The following UBE2G1 variants were observed in gnomAD, a reference collection of about 807,000 sequenced individuals.
UBE2G1 encodes ubiquitin conjugating enzyme E2 G1, also known as ubiquitin-conjugating enzyme E2 G1.
A neutral mutation model predicts 22.7 loss-of-function variants in UBE2G1; 5 were observed. That is an observed-to-expected ratio of 0.22 (90% CI 0.12 to 0.46). The LOEUF is 0.46. UBE2G1 is among the 20% of genes least tolerant of loss of function. The pLI, the probability that UBE2G1 is intolerant of heterozygous loss-of-function variation, is 0.99. For missense variants in UBE2G1, 88 were observed against 203.9 expected (o/e 0.43, Z 3.46); for synonymous variants, 74 against 67.5 (o/e 1.10, Z -0.47).
rs191824664 is a variant in UBE2G1, at chr17:4,288,577, G to A, written c.426+653C>T. Reference sequence around the variant, plus strand: ...GTTAACTACTGTAGGACTTTGCTCTGTGGTTAAAATGAGGCTTACAAAAAA... The same window carrying A: ...GTTAACTACTGTAGGACTTTGCTCTATGGTTAAAATGAGGCTTACAAAAAA... On this transcript the variant is annotated intron_variant, in intron 4 of 5. Transcript: ENST00000396981. Among the ~76,000 whole-genome samples the A allele has an allele frequency of 5.3e-5, 8 of 152,114 alleles. No individual in the cohort carries two copies. The East Asian group carries it at 5.8e-4, about 11-fold the overall frequency.
intron 1 of UBE2G1, among the ~76,000 whole-genome samples, chr17:4,356,398 T>A (rs1969906892): frequency 6.6e-6 from 1 of 152,134 alleles, no homozygotes; most frequent in Admixed American, 6.6e-5. Flanking sequence ...AAACGTTGTT[T>A]ACATAGTGCT....
intron 1 of UBE2G1, among the ~76,000 whole-genome samples, chr17:4,349,244 C>A (rs1252142060): frequency 6.6e-6 from 1 of 151,598 alleles, no homozygotes; most frequent in Non-Finnish European, 1.5e-5. Flanking sequence ...TGCTTGAACC[C>A]GGGAGGCAGA....
chr17:4,347,284 G>C (rs1969788709), intron 1 of UBE2G1, among the ~76,000 whole-genome samples: 1 of 152,022 alleles, frequency 6.6e-6, no homozygotes, highest in Non-Finnish European at 1.5e-5. Context: ...TGTAACCCAA[G>C]TCTATTAAAC....
intron 1 of UBE2G1, among the ~76,000 whole-genome samples, chr17:4,357,759 C>T (rs1247910185): frequency 2.0e-5 from 3 of 151,972 alleles, no homozygotes; most frequent in African/African-American, 4.8e-5. Flanking sequence ...GATCCCACCA[C>T]TGCACTCCAG....
intron 1 of UBE2G1, among the ~76,000 whole-genome samples, chr17:4,359,544 G>T (rs918327812): frequency 6.6e-6 from 1 of 152,160 alleles, no homozygotes; most frequent in Non-Finnish European, 1.5e-5. Context: ...TTCTATGAGG[G>T]CCAGAATCTA....
At chr17:4,282,711 T>G in intron 5 of UBE2G1, 87 bp downstream of exon 5, 1 of 819,482 alleles carries the variant, frequency 1.2e-6, no homozygotes, top group Non-Finnish European at 1.9e-6. Flanking sequence ...TGAAAAAATG[T>G]AATTCAAATA....
chr17:4,328,055 TC>T (rs1386129405), intron 1 of UBE2G1, among the ~76,000 whole-genome samples: 2 of 152,144 alleles, frequency 1.3e-5, no homozygotes, highest in African/African-American at 4.8e-5. Flanking sequence ...ACTCTCAGTC[TC>T]ACTGTTAAAG....
At chr17:4,329,610 A>C (rs1268710443) in intron 1 of UBE2G1, among the ~76,000 whole-genome samples, 1 of 152,090 alleles carries the variant, frequency 6.6e-6, no homozygotes, top group Non-Finnish European at 1.5e-5. Flanking sequence ...TTCTTAGAAG[A>C]CACTATTTCC....
At chr17:4,284,249 C>G (rs1046173448) in intron 4 of UBE2G1, among the ~76,000 whole-genome samples, 1 of 150,944 alleles carries the variant, frequency 6.6e-6, no homozygotes, top group Non-Finnish European at 1.5e-5. Context: ...AAAATTTTAA[C>G]TTTCCCAAAA....
intron 1 of UBE2G1, among the ~76,000 whole-genome samples, chr17:4,349,958 A>AT (rs1188762676): frequency 1.3e-5 from 2 of 152,154 alleles, no homozygotes; most frequent in Non-Finnish European, 2.9e-5. Context: ...TAGCATACCT[A>AT]TTCAAAGTGG....
At chr17:4,347,306 TTA>T (rs1333575075) in intron 1 of UBE2G1, among the ~76,000 whole-genome samples, 3 of 152,028 alleles carry the variant, frequency 2.0e-5, no homozygotes, top group African/African-American at 7.2e-5. Context: ...CAAAATTTAT[TTA>T]TGTTTCATTC....
At chr17:4,342,451 G>A (rs1969722252) in intron 1 of UBE2G1, among the ~76,000 whole-genome samples, 1 of 152,206 alleles carries the variant, frequency 6.6e-6, no homozygotes, top group Non-Finnish European at 1.5e-5. Flanking sequence ...ACATTAGTCA[G>A]GCGCAGTGGT....
At chr17:4,306,992 T>C (rs1969255953) in intron 2 of UBE2G1, 29 bp downstream of exon 2, 2 of 1,591,332 alleles carry the variant, frequency 1.3e-6, no homozygotes, top group Non-Finnish European at 1.7e-6. Flanking sequence ...AGAGCTCCAT[T>C]TTGAAGATGT....
At chr17:4,344,797 G>C (rs1969750927) in intron 1 of UBE2G1, among the ~76,000 whole-genome samples, 1 of 152,130 alleles carries the variant, frequency 6.6e-6, no homozygotes, top group Admixed American at 6.6e-5. Context: ...GGGGTTTGAG[G>C]CTGCAGTGAG....
chr17:4,282,901 T>C lies in UBE2G1; in HGVS notation c.447A>G (p.Arg149=), dbSNP rs750209383. Residue 149 remains arginine, a synonymous_variant, in exon 5 of 6, where the codon AGA becomes AGG. Coordinates refer to ENST00000396981, the MANE Select transcript of UBE2G1 (RefSeq NM_003342.5). Reference sequence around the variant, plus strand: ...CAACTTTTCTTTTAAATTCTCCATTTCTATCTTCCCTCCATTCTTTCTGTA... The same window carrying C: ...CAACTTTTCTTTTAAATTCTCCATTCCTATCTTCCCTCCATTCTTTCTGTA... The part of the protein sequence containing the change: ...VDAAKEWRED[R]NGEFKRKVAR... 2 of 1,613,380 alleles carry C rather than the reference T, an allele frequency of 1.2e-6. No homozygotes were observed. The highest frequency in any genetic ancestry group is 1.3e-5 in the African/African-American group (1 of 74,934).
intron 2 of UBE2G1, among the ~76,000 whole-genome samples, chr17:4,303,636 T>A (rs932869697): frequency 2.0e-5 from 3 of 152,198 alleles, no homozygotes; most frequent in Non-Finnish European, 4.4e-5. Flanking sequence ...CCAAGCAATG[T>A]AGGCACTAGG....
At chr17:4,279,668 G>A (rs921144180) in intron 5 of UBE2G1, among the ~76,000 whole-genome samples, 3 of 151,846 alleles carry the variant, frequency 2.0e-5, no homozygotes, top group Non-Finnish European at 4.4e-5. Flanking sequence ...CCAGCACTCT[G>A]GGACGCTGAG....
chr17:4,339,517 T>C (rs1969687225), intron 1 of UBE2G1, among the ~76,000 whole-genome samples: 1 of 152,158 alleles, frequency 6.6e-6, no homozygotes, highest in Non-Finnish European at 1.5e-5. Context: ...TTGACCAGGC[T>C]GGTCTTAAAC....
intron 5 of UBE2G1, among the ~76,000 whole-genome samples, chr17:4,279,628 G>A (rs1968859179): frequency 6.6e-6 from 1 of 151,712 alleles, no homozygotes. Context: ...AAGAACCTCA[G>A]GCCAGGTGCG....
Sources: allele counts gnomAD v4.1 joint callset (sites outside exome capture counted in the v4.1 genomes callset), GRCh38; gene constraint gnomAD v4.1.1; transcripts MANE v1.5; gene names NCBI Gene and HGNC (gene_info 2026-07-23, HGNC 2026-07-21).